Variants in WDR49 observed in about 807,000 individuals in gnomAD.
WDR49 encodes WD repeat domain 49.
A neutral mutation model predicts 119.5 loss-of-function variants in WDR49; 107 were observed. The ratio of observed to expected loss-of-function variants is 0.90; its 90% CI spans 0.77 to 1.05. The LOEUF is 1.05. Among genes scored for constraint, WDR49 ranks in the 50% least tolerant of loss-of-function variants. The probability of loss-of-function intolerance (pLI) is 0.00; values close to 1 mark genes in which losing one functional copy is unlikely to be tolerated. For missense variants in WDR49, 1,240 were observed against 1,220.5 expected (o/e 1.02, Z -0.24); for synonymous variants, 425 against 418.8 (o/e 1.01, Z -0.18).
chr3:167,479,136 T>A (rs1056825653), intron 18 of WDR49, 140 bp from the exon 19 acceptor site: 12 of 643,344 alleles, frequency 1.9e-5, no homozygotes, highest in African/African-American at 5.6e-5. Context: ...TTTGGAAAAA[T>A]TTTCTCTAAG....
In WDR49 at chr3:167,621,610, A is replaced by C. The variant is rs201439202; in HGVS notation, c.640T>G (p.Phe214Val). 5.7e-5 allele frequency: 87 copies of C among 1,534,454 alleles called. 2 individuals carry two copies. In the South Asian group the frequency reaches 1.0e-3, roughly 18 times the overall value. ...AVAFTSKEVC[F>V]YDLLSKEEFA... The stretch of plus-strand genomic sequence containing the variant: ...TCTTCTTTGGACAGCAGATCATAGA[A>C]ACAAACCTCTTTACTTGTAAAAGCC... Residue 214 changes from phenylalanine (F) to valine (V), a missense_variant, in exon 4 of 19, where the codon TTC becomes GTC. By Grantham distance (50) the Phe-to-Val change is conservative (BLOSUM62 -1). Coordinates refer to ENST00000682715, the MANE Select transcript of WDR49 (RefSeq NM_001366157.1).
intron 15 of WDR49, among the ~76,000 whole-genome samples, chr3:167,523,543 C>T (rs1024032022): frequency 6.6e-6 from 1 of 152,050 alleles, no homozygotes; most frequent in Admixed American, 6.6e-5. Context: ...GCTCTACCTC[C>T]CCTTTCCCCC....
At chr3:167,628,533 C>T (rs1251298816) in intron 2 of WDR49, among the ~76,000 whole-genome samples, 1 of 152,114 alleles carries the variant, frequency 6.6e-6, no homozygotes, top group Non-Finnish European at 1.5e-5. Flanking sequence ...AAACCTAATA[C>T]AGAGCAAGGC....
chr3:167,646,123 A>G (rs1718116947), intron 2 of WDR49, among the ~76,000 whole-genome samples: 1 of 152,126 alleles, frequency 6.6e-6, no homozygotes, highest in Non-Finnish European at 1.5e-5. Context: ...CTCTTTGGGT[A>G]ATGGCCCAGG....
chr3:167,533,959 G>T (rs559854382), intron 11 of WDR49, among the ~76,000 whole-genome samples: 35 of 152,076 alleles, frequency 2.3e-4, no homozygotes, highest in African/African-American at 7.7e-4. Flanking sequence ...GGAGGCCGAG[G>T]TGGGCAGATC....
At chr3:167,594,747 C>G (rs897725934) in intron 7 of WDR49, among the ~76,000 whole-genome samples, 16 of 151,266 alleles carry the variant, frequency 1.1e-4, no homozygotes, top group African/African-American at 3.2e-4. Flanking sequence ...TATGACAAAC[C>G]CACAGCCAAT....
chr3:167,621,711 G>A, intron 3 of WDR49, 68 bp from the exon 4 acceptor site: 1 of 1,396,014 alleles, frequency 7.2e-7, no homozygotes, highest in Non-Finnish European at 9.5e-7. Flanking sequence ...ATGCAAAGCA[G>A]ACACGCCACT....
At chr3:167,482,936 A>T (rs1413376210) in intron 18 of WDR49, among the ~76,000 whole-genome samples, 2 of 152,166 alleles carry the variant, frequency 1.3e-5, no homozygotes, top group African/African-American at 4.8e-5. Context: ...AAACTGACAA[A>T]TCAACTAATA....
chr3:167,645,457 C>T (rs1217461078), intron 2 of WDR49, among the ~76,000 whole-genome samples: 3 of 152,002 alleles, frequency 2.0e-5, no homozygotes, highest in African/African-American at 4.8e-5. Flanking sequence ...TAGTTGTGCC[C>T]GCCTTGGCCT....
intron 5 of WDR49, among the ~76,000 whole-genome samples, chr3:167,609,689 C>T (rs550395484): frequency 1.6e-4 from 24 of 152,274 alleles, no homozygotes; most frequent in African/African-American, 5.5e-4. Flanking sequence ...AGGGGGCACA[C>T]GACATACTGA....
upstream of WDR49, among the ~76,000 whole-genome samples, chr3:167,654,679 T>G (rs771992984): frequency 3.3e-5 from 5 of 152,080 alleles, no homozygotes; most frequent in Non-Finnish European, 5.9e-5. Context: ...GTGGATGGCT[T>G]CAGCTCAGGA....
intron 5 of WDR49, among the ~76,000 whole-genome samples, chr3:167,614,306 C>T (rs1456674447): frequency 6.6e-6 from 1 of 152,114 alleles, no homozygotes; most frequent in Non-Finnish European, 1.5e-5. Flanking sequence ...ACCACGTTGG[C>T]CAGGCTGGTC....
At chr3:167,481,507 T>A (rs1277575610) in intron 18 of WDR49, among the ~76,000 whole-genome samples, 1 of 151,858 alleles carries the variant, frequency 6.6e-6, no homozygotes, top group East Asian at 1.9e-4. Flanking sequence ...ATAAACAGAA[T>A]GAATTAGAAA....
chr3:167,604,046 C>T (rs576289421), intron 6 of WDR49, among the ~76,000 whole-genome samples: 11 of 151,968 alleles, frequency 7.2e-5, no homozygotes, highest in South Asian at 2.1e-4. Flanking sequence ...CATTTTACAC[C>T]CTTCACCAAT....
In WDR49 at chr3:167,604,426, G is replaced by A. The variant is rs763678902; in HGVS notation, c.1001C>T (p.Thr334Ile). Residue 334 changes from threonine to isoleucine, a missense_variant, in exon 6 of 19, where the codon ACC becomes ATC. Thr to Ile is a moderately conservative substitution (Grantham distance 89). Coordinates refer to ENST00000682715, the MANE Select transcript of WDR49 (RefSeq NM_001366157.1). Reference protein sequence around the residue: ...ASLDAIISSTTSNTNSVVMAW... With the variant: ...ASLDAIISSTISNTNSVVMAW... Reference sequence around the variant, plus strand: ...CATCACCACACTATTTGTATTGCTGGTTGTACTGGAAATGATAGCGTCTAA... The same window carrying A: ...CATCACCACACTATTTGTATTGCTGATTGTACTGGAAATGATAGCGTCTAA... The A allele has an allele frequency of 6.2e-7, 1 of 1,613,004 alleles. No homozygotes were observed. The highest frequency in any genetic ancestry group is 2.2e-5 in the East Asian group (1 of 44,784).
intron 5 of WDR49, among the ~76,000 whole-genome samples, chr3:167,611,203 A>G (rs1577275896): frequency 6.6e-6 from 1 of 152,242 alleles, no homozygotes; most frequent in East Asian, 1.9e-4. Flanking sequence ...CAGAGGGACG[A>G]AGTTAAAATG....
chr3:167,493,641 C>T (rs1026992901), intron 18 of WDR49, among the ~76,000 whole-genome samples: 3 of 152,134 alleles, frequency 2.0e-5, no homozygotes, highest in Non-Finnish European at 4.4e-5. Flanking sequence ...CCTTAGAGTT[C>T]TGTTTACTTC....
intron 2 of WDR49, among the ~76,000 whole-genome samples, chr3:167,647,785 G>A (rs1306286521): frequency 6.6e-6 from 1 of 152,096 alleles, no homozygotes; most frequent in Non-Finnish European, 1.5e-5. Context: ...CTTCTCACAA[G>A]TCTCCACTGA....
At chr3:167,610,119 G>C (rs1211460648) in intron 5 of WDR49, among the ~76,000 whole-genome samples, 1 of 152,216 alleles carries the variant, frequency 6.6e-6, no homozygotes, top group Non-Finnish European at 1.5e-5. Flanking sequence ...AGCTGTGGAG[G>C]CTATGGGGAA....
Sources: gnomAD v4.1 joint callset for allele counts (sites outside exome capture counted in the v4.1 genomes callset) on GRCh38, gnomAD v4.1.1 for gene constraint, MANE v1.5 for transcripts, NCBI Gene and HGNC (gene_info 2026-07-23, HGNC 2026-07-21) for gene names.